The following ZNF804B variants were observed in gnomAD, a reference collection of about 807,000 sequenced individuals.
ZNF804B encodes the protein zinc finger 804B.
Under a neutral mutation model 101.4 loss-of-function variants are expected in ZNF804B, and 80 were observed. That is an observed-to-expected ratio of 0.79 (90% CI 0.66 to 0.95). The LOEUF is 0.95. Ranked by LOEUF, ZNF804B falls within the 40% of genes least tolerant of loss-of-function variation. ZNF804B has a pLI of 0.00. For missense variants in ZNF804B, 1,673 were observed against 1,561.9 expected, an observed-to-expected ratio of 1.07 and a Z score of -1.20; for synonymous variants, 622 against 558.8, an observed-to-expected ratio of 1.11 and a Z score of -1.59.
chr7:89,301,798 T>G (rs1182357726), intron 2 of ZNF804B, among the ~76,000 whole-genome samples: 12 of 152,020 alleles, frequency 7.9e-5, no homozygotes, highest in Non-Finnish European at 1.5e-5. Context: ...CAGCAAGTTC[T>G]TAGCCTAAGG....
chr7:89,139,733 T>C (rs1374437917), intron 1 of ZNF804B, among the ~76,000 whole-genome samples: 1 of 152,100 alleles, frequency 6.6e-6, no homozygotes, highest in Non-Finnish European at 1.5e-5. Context: ...TAGTTCTAAT[T>C]CTCTTGCTGT....
intron 3 of ZNF804B, among the ~76,000 whole-genome samples, chr7:89,332,929 T>C (rs958729685): frequency 6.6e-6 from 1 of 151,750 alleles, no homozygotes; most frequent in East Asian, 1.9e-4. Flanking sequence ...ATGTTAGAAA[T>C]AGCACATAAA....
At chr7:89,154,719 G>C (rs891404748) in intron 1 of ZNF804B, among the ~76,000 whole-genome samples, 4 of 152,068 alleles carry the variant, frequency 2.6e-5, no homozygotes, top group African/African-American at 9.7e-5. Context: ...GCTAGGGAGA[G>C]TAATGGGGGG....
At chr7:88,968,699 A>G (rs1004267412) in intron 1 of ZNF804B, among the ~76,000 whole-genome samples, 1 of 151,600 alleles carries the variant, frequency 6.6e-6, no homozygotes, top group African/African-American at 2.4e-5. Context: ...CTTTTCAGAT[A>G]GGAAATGTCA....
At chr7:88,761,616 A>G (rs949172661) in intron 1 of ZNF804B, among the ~76,000 whole-genome samples, 5 of 152,068 alleles carry the variant, frequency 3.3e-5, no homozygotes, top group Non-Finnish European at 4.4e-5. Context: ...AAAACATACA[A>G]TGTTCTGCCT....
rs755624282 is a variant in ZNF804B, at chr7:88,960,450, A to AG, written c.108+200367dup. 2.6e-4 allele frequency among the ~76,000 whole-genome samples: 39 copies of AG among 151,274 alleles called. 1 individual carries two copies. The highest frequency in any genetic ancestry group is 5.3e-4 in the Admixed American group (8 of 15,112). Reference sequence around the variant, plus strand: ...ATGGTGCTCACAGAAGGCTTCTAGGAGAAAAAGTTATTTGAGATATTTGGG... The same window carrying AG: ...ATGGTGCTCACAGAAGGCTTCTAGGAGGAAAAAGTTATTTGAGATATTTGGG... On this transcript the variant is annotated intron_variant, in intron 1 of 3. Coordinates refer to ENST00000333190, the MANE Select transcript of ZNF804B (RefSeq NM_181646.5).
chr7:89,186,689 A>G (rs1788380292), intron 1 of ZNF804B, among the ~76,000 whole-genome samples: 1 of 151,930 alleles, frequency 6.6e-6, no homozygotes, highest in Non-Finnish European at 1.5e-5. Context: ...TTCCTGGTAA[A>G]CCCTCTTTCA....
chr7:88,818,602 G>A (rs1031592720), intron 1 of ZNF804B, among the ~76,000 whole-genome samples: 2 of 152,104 alleles, frequency 1.3e-5, no homozygotes, highest in Non-Finnish European at 2.9e-5. Context: ...TGCATGCATT[G>A]GCAAATTCCA....
At chr7:89,058,294 T>G (rs1789326489) in intron 1 of ZNF804B, among the ~76,000 whole-genome samples, 1 of 152,156 alleles carries the variant, frequency 6.6e-6, no homozygotes, top group Non-Finnish European at 1.5e-5. Flanking sequence ...ATAATTACTG[T>G]CATCAGGTTT....
At chr7:89,107,881 C>G (rs1220657147) in intron 1 of ZNF804B, among the ~76,000 whole-genome samples, 1 of 152,008 alleles carries the variant, frequency 6.6e-6, no homozygotes, top group East Asian at 1.9e-4. Flanking sequence ...TCTATGCAGG[C>G]TGGGGAATTG....
intron 2 of ZNF804B, among the ~76,000 whole-genome samples, chr7:89,229,280 T>G (rs1050588501): frequency 6.6e-6 from 1 of 152,212 alleles, no homozygotes; most frequent in African/African-American, 2.4e-5. Flanking sequence ...GCCAGCACGC[T>G]GTCACCTCTC....
intron 1 of ZNF804B, among the ~76,000 whole-genome samples, chr7:88,788,207 T>A (rs1790330952): frequency 6.6e-6 from 1 of 152,048 alleles, no homozygotes; most frequent in Admixed American, 6.6e-5. Flanking sequence ...AGGTGGAATT[T>A]GGTGTAGTAG....
intron 2 of ZNF804B, among the ~76,000 whole-genome samples, chr7:89,246,536 C>T (rs1022294734): frequency 1.3e-5 from 2 of 152,152 alleles, no homozygotes; most frequent in East Asian, 3.9e-4. Context: ...CCCACATTTC[C>T]TGTGCAGAGA....
At chr7:88,950,562 T>G (rs1793203197) in intron 1 of ZNF804B, among the ~76,000 whole-genome samples, 1 of 151,898 alleles carries the variant, frequency 6.6e-6, no homozygotes, top group Admixed American at 6.6e-5. Flanking sequence ...CCCATTTTCT[T>G]CTATTTTTAA....
chr7:88,820,381 G>A (rs1258205770), intron 1 of ZNF804B, among the ~76,000 whole-genome samples: 2 of 151,926 alleles, frequency 1.3e-5, no homozygotes, highest in Non-Finnish European at 2.9e-5. Context: ...TGCCTCCTAG[G>A]GTTCAGGTGT....
intron 2 of ZNF804B, among the ~76,000 whole-genome samples, chr7:89,231,452 T>C (rs1391845914): frequency 6.6e-6 from 1 of 152,090 alleles, no homozygotes; most frequent in Non-Finnish European, 1.5e-5. Flanking sequence ...AATTTTGATA[T>C]AACTTTTGGA....
At chr7:88,902,245 C>G (rs931346350) in intron 1 of ZNF804B, among the ~76,000 whole-genome samples, 4 of 151,832 alleles carry the variant, frequency 2.6e-5, no homozygotes, top group Non-Finnish European at 2.9e-5. Flanking sequence ...AAGATACAAT[C>G]CTAAGTTTTT....
At chr7:89,179,862 G>T (rs74823819) in intron 1 of ZNF804B, among the ~76,000 whole-genome samples, 5,232 of 152,196 alleles carry the variant, frequency 0.034, 174 homozygotes, top group South Asian at 0.081. Flanking sequence ...TGCATTAGAG[G>T]GTGCCCCAAG....
intron 2 of ZNF804B, among the ~76,000 whole-genome samples, chr7:89,251,191 C>T (rs1418610606): frequency 2.6e-5 from 4 of 152,134 alleles, no homozygotes; most frequent in Non-Finnish European, 5.9e-5. Flanking sequence ...AGCTACAAAA[C>T]TCTAAAGACT....
Sources: gnomAD v4.1 joint callset for allele counts (sites outside exome capture counted in the v4.1 genomes callset) on GRCh38, gnomAD v4.1.1 for gene constraint, MANE v1.5 for transcripts, NCBI Gene and HGNC (gene_info 2026-07-23, HGNC 2026-07-21) for gene names.